Variants in CECR2 observed in about 807,000 individuals in gnomAD.
CECR2 encodes CECR2 histone acetyl-lysine reader.
CECR2 carries 30 observed loss-of-function variants against 154.5 expected under a neutral mutation model. The ratio of observed to expected loss-of-function variants is 0.19; its 90% CI spans 0.15 to 0.26. The LOEUF (loss-of-function observed/expected upper bound fraction) is 0.26. Ranked by LOEUF, CECR2 falls within the 10% of genes least tolerant of loss-of-function variation. CECR2 has a pLI of 1.00. For missense variants in CECR2, 1,743 were observed against 1,829.3 expected, an observed-to-expected ratio of 0.95 and a Z score of 0.86; for synonymous variants, 725 against 683.7, an observed-to-expected ratio of 1.06 and a Z score of -0.94.
intron 1 of CECR2, among the ~76,000 whole-genome samples, chr22:17,396,108 G>A (rs534025172): frequency 8.6e-5 from 13 of 151,772 alleles, no homozygotes; most frequent in African/African-American, 3.1e-4. Context: ...TGGCTGTGGT[G>A]GTGCGTTACT....
At chr22:17,417,578 C>G (rs2146590105) in intron 1 of CECR2, among the ~76,000 whole-genome samples, 1 of 152,112 alleles carries the variant, frequency 6.6e-6, no homozygotes, top group East Asian at 1.9e-4. Flanking sequence ...GCAGCTGGGA[C>G]TATAGGCAGC....
intron 16 of CECR2, 62 bp from the exon 17 acceptor site, chr22:17,548,086 C>CATTAA (rs2056641103): frequency 1.4e-6 from 2 of 1,393,416 alleles, no homozygotes; most frequent in East Asian, 5.0e-5. Context: ...ATGTTCTTCA[C>CATTAA]ATTAATACTG....
At chr22:17,462,131 G>A (rs571812020) in intron 1 of CECR2, among the ~76,000 whole-genome samples, 52 of 151,852 alleles carry the variant, frequency 3.4e-4, no homozygotes, top group African/African-American at 1.1e-3. Context: ...TTGACCGGGC[G>A]CGGTGGCTCA....
chr22:17,419,304 C>T (rs763842027), intron 1 of CECR2: 4 of 160,228 alleles, frequency 2.5e-5, no homozygotes, highest in Non-Finnish European at 2.8e-5. Context: ...AACTCCACAT[C>T]GGCCTGAAGG....
At chr22:17,442,414 A>G (rs2054598453) in intron 1 of CECR2, among the ~76,000 whole-genome samples, 1 of 152,150 alleles carries the variant, frequency 6.6e-6, no homozygotes, top group South Asian at 2.1e-4. Context: ...AAATACATAT[A>G]TATTTTTAAA....
At chr22:17,507,363 A>G (rs796920324) in intron 7 of CECR2, among the ~76,000 whole-genome samples, 16 of 152,338 alleles carry the variant, frequency 1.1e-4, no homozygotes, top group African/African-American at 3.6e-4. Context: ...GTGATCAGCA[A>G]TTCACTGCAA....
chr22:17,468,140 A>G (rs2055064835), intron 1 of CECR2, among the ~76,000 whole-genome samples: 4 of 152,152 alleles, frequency 2.6e-5, no homozygotes, highest in Admixed American at 2.6e-4. Flanking sequence ...GTGTTAAGAA[A>G]AAGGGATTTG....
intron 1 of CECR2, among the ~76,000 whole-genome samples, chr22:17,377,135 A>G (rs2063128161): frequency 6.6e-6 from 1 of 152,340 alleles, no homozygotes; most frequent in South Asian, 2.1e-4. Context: ...ACTAATCTAG[A>G]AAATTGCTGA....
chr22:17,472,435 C>G (rs1009631442), intron 1 of CECR2, among the ~76,000 whole-genome samples: 1 of 152,150 alleles, frequency 6.6e-6, no homozygotes, highest in Non-Finnish European at 1.5e-5. Context: ...CTTTGCATCT[C>G]CTTTGTGTCC....
At chr22:17,415,847 T>G (rs1376933761) in intron 1 of CECR2, among the ~76,000 whole-genome samples, 1 of 152,230 alleles carries the variant, frequency 6.6e-6, no homozygotes, top group Non-Finnish European at 1.5e-5. Context: ...CTGTTGTTTG[T>G]TCATCATCCC....
chr22:17,392,685 GA>G (rs371096257), intron 1 of CECR2, among the ~76,000 whole-genome samples: 8,411 of 140,066 alleles, frequency 0.06, 369 homozygotes, highest in African/African-American at 0.13. Context: ...TTGTCTCAAA[GA>G]AAAAAAAAAA....
intron 8 of CECR2, among the ~76,000 whole-genome samples, chr22:17,522,742 C>T (rs779481534): frequency 3.3e-5 from 5 of 152,166 alleles, no homozygotes; most frequent in South Asian, 2.1e-4. Flanking sequence ...CCATGGCTCA[C>T]GCCTGTAATC....
intron 1 of CECR2, among the ~76,000 whole-genome samples, chr22:17,397,959 G>A (rs2053837500): frequency 6.6e-6 from 1 of 152,104 alleles, no homozygotes; most frequent in Admixed American, 6.6e-5. Flanking sequence ...TTTGTCAGTG[G>A]TCCTGTTGGA....
intron 8 of CECR2, among the ~76,000 whole-genome samples, chr22:17,520,697 G>C (rs1202838816): frequency 6.6e-6 from 1 of 152,038 alleles, no homozygotes. Context: ...TCTTGTGATA[G>C]TTTGCTGAGA....
In CECR2 at chr22:17,542,518, C is replaced by G; in HGVS notation, c.2375C>G (p.Pro792Arg). ...GGACCCTTGGGCCCAGATGAGAAGC[C>G]CCACCTGGGGCCAGGACCCTCTCAC... ...NQGPLGPDEK[P>R]HLGPGPSHQP... is the part of the protein sequence containing the mutation. Residue 792 changes from proline (P) to arginine (R), a missense_variant, in exon 16 of 19, where the codon CCC (proline) becomes CGC (arginine). Transcript: ENST00000262608. The G allele has an allele frequency of 6.2e-7, 1 of 1,613,946 alleles. No homozygotes were observed. Among genetic ancestry groups the G allele is most frequent in the Non-Finnish European group, 8.5e-7 (1 of 1,179,870 alleles).
chr22:17,547,185 CTAATTAA>C (rs1435423744), intron 16 of CECR2, among the ~76,000 whole-genome samples: 1 of 151,420 alleles, frequency 6.6e-6, no homozygotes, highest in Non-Finnish European at 1.5e-5. Flanking sequence ...GCATAGGAGT[CTAATTAA>C]TTTGATTGGG....
At chr22:17,529,296 C>T (rs997871135) in intron 9 of CECR2, among the ~76,000 whole-genome samples, 1 of 151,642 alleles carries the variant, frequency 6.6e-6, no homozygotes, top group Non-Finnish European at 1.5e-5. Flanking sequence ...AGTCCCGGCG[C>T]GGCTGGAGCG....
chr22:17,448,159 A>T (rs2054707337), intron 1 of CECR2, among the ~76,000 whole-genome samples: 1 of 152,202 alleles, frequency 6.6e-6, no homozygotes, highest in Non-Finnish European at 1.5e-5. Context: ...TCAGATAATA[A>T]TCACTATACT....
intron 16 of CECR2, 144 bp from the exon 17 acceptor site, chr22:17,548,004 C>T (rs1312405346): frequency 1.3e-6 from 1 of 747,288 alleles, no homozygotes; most frequent in East Asian, 2.7e-5. Context: ...ATGTCCTGCC[C>T]TCTTTCAGGG....
Sources: gnomAD v4.1 joint callset for allele counts (sites outside exome capture counted in the v4.1 genomes callset) on GRCh38, gnomAD v4.1.1 for gene constraint, MANE v1.5 for transcripts, NCBI Gene and HGNC (gene_info 2026-07-23, HGNC 2026-07-21) for gene names.